OR3A2: variants seen among roughly 807,000 people sequenced by gnomAD.
OR3A2 encodes olfactory receptor 3A2.
For synonymous variants in OR3A2, 126 were observed against 159.3 expected (o/e 0.79, Z 1.57); for missense variants, 318 against 392.8 (o/e 0.81, Z 1.61).
chr17:3,287,937 TAAC>T (rs1286622791), upstream of OR3A2, among the ~76,000 whole-genome samples: 1 of 151,534 alleles, frequency 6.6e-6, no homozygotes, highest in Non-Finnish European at 1.5e-5. Flanking sequence ...AGAGCATACA[TAAC>T]AATAAGCTCT....
Position 3,369,805 on chromosome 17 carries a change from C to CTTTTT in OR3A2, c.-179+13994_-179+13998dup, listed in dbSNP as rs35233474. On this transcript the variant is annotated intron_variant, in intron 2 of 4. Coordinates refer to the OR3A2 transcript ENST00000573491. ...TTGAATGGTTTCCGTTAGATTGGTA[C>CTTTTT]TTTTTTTTTTTTTTTTGAGGCAAGC... Among the ~76,000 whole-genome samples, 459 of 134,658 alleles carry CTTTTT rather than the reference C, an allele frequency of 3.4e-3. 12 individuals are homozygous for CTTTTT. Among genetic ancestry groups the CTTTTT allele is most frequent in the African/African-American group, 0.011 (402 of 35,482 alleles). 88.3% of individuals were successfully genotyped at this position (134,658 alleles called of 152,430 possible).
chr17:3,343,369 G>C (rs2049336830), intron 2 of OR3A2, among the ~76,000 whole-genome samples: 4 of 152,158 alleles, frequency 2.6e-5, no homozygotes, highest in Non-Finnish European at 5.9e-5. Flanking sequence ...GACCAGAGCT[G>C]TTCCTATTCA....
chr17:3,363,260 A>T (rs1359316223), intron 2 of OR3A2, among the ~76,000 whole-genome samples: 2 of 151,780 alleles, frequency 1.3e-5, no homozygotes, highest in Admixed American at 1.3e-4. Context: ...CATGCATATG[A>T]GTATACACTT....
intron 2 of OR3A2, among the ~76,000 whole-genome samples, chr17:3,371,342 T>G (rs1408162918): frequency 1.4e-5 from 2 of 148,072 alleles, no homozygotes; most frequent in South Asian, 2.1e-4. Flanking sequence ...GCCCCTCATC[T>G]CCCGGACGAG....
intron 2 of OR3A2, among the ~76,000 whole-genome samples, chr17:3,361,384 T>C (rs2049514175): frequency 6.6e-6 from 1 of 151,636 alleles, no homozygotes; most frequent in African/African-American, 2.4e-5. Flanking sequence ...ACTTCCTCTT[T>C]TCCTAACTGA....
chr17:3,290,725 C>T (rs778864767), intron 3 of OR3A2, among the ~76,000 whole-genome samples: 3 of 152,162 alleles, frequency 2.0e-5, no homozygotes, highest in Non-Finnish European at 2.9e-5. Flanking sequence ...GAGCCACACT[C>T]CCCTACTGAG....
chr17:3,282,620 T>TC lies in OR3A2; in HGVS notation c.-7+1737dup, dbSNP rs536236410. On this transcript the variant is annotated intron_variant, in intron 1 of 1. Coordinates refer to ENST00000642052, the Ensembl canonical transcript of OR3A2. ...GGGTGAGAATGTGGATGCGGTGATC[T>TC]CCAAGAGGTCCTTAAAGTTCTAAGA... Among the ~76,000 whole-genome samples, 14 of 152,324 alleles carry TC rather than the reference T, an allele frequency of 9.2e-5. No individual in the cohort carries two copies. The East Asian group carries it at 2.7e-3, about 29-fold the overall frequency.
intron 2 of OR3A2, among the ~76,000 whole-genome samples, chr17:3,353,898 G>A (rs533202332): frequency 7.7e-6 from 1 of 129,506 alleles, no homozygotes; most frequent in African/African-American, 3.1e-5. Context: ...ATCAAATAGT[G>A]GTTCTTATTC....
At chr17:3,367,902 AT>A (rs956205687) in intron 2 of OR3A2, among the ~76,000 whole-genome samples, 18 of 151,904 alleles carry the variant, frequency 1.2e-4, no homozygotes, top group Non-Finnish European at 2.4e-4. Flanking sequence ...ACCAGTATCT[AT>A]TATTTTTTGA....
At chr17:3,332,725 C>T (rs1011181528) in intron 3 of OR3A2, among the ~76,000 whole-genome samples, 4 of 152,216 alleles carry the variant, frequency 2.6e-5, no homozygotes, top group East Asian at 1.9e-4. Flanking sequence ...TGGCTCCTCC[C>T]CTCTTATGCC....
chr17:3,371,255 T>C (rs230481), intron 2 of OR3A2, among the ~76,000 whole-genome samples: 99,027 of 147,752 alleles, frequency 0.67, 34,093 homozygotes, highest in East Asian at 0.99. Context: ...GCTGACCTCC[T>C]CACCTCCCTC....
At chr17:3,353,952 T>A (rs936544785) in intron 2 of OR3A2, among the ~76,000 whole-genome samples, 1 of 151,738 alleles carries the variant, frequency 6.6e-6, no homozygotes, top group Admixed American at 6.6e-5. Flanking sequence ...AGCTCCATGG[T>A]TATCAGATGC....
intron 3 of OR3A2, among the ~76,000 whole-genome samples, chr17:3,324,148 A>T (rs939185739): frequency 1.3e-5 from 2 of 151,960 alleles, no homozygotes; most frequent in Non-Finnish European, 2.9e-5. Context: ...AGTTGATCGC[A>T]TCGGCTACTG....
At chr17:3,366,998 C>T (rs538280066) in intron 2 of OR3A2, among the ~76,000 whole-genome samples, 1 of 152,298 alleles carries the variant, frequency 6.6e-6, no homozygotes, top group East Asian at 1.9e-4. Flanking sequence ...GTAGGCTAAT[C>T]AGCCTCTGCA....
At chr17:3,385,049 C>T (rs1466499418) in intron 1 of OR3A2, among the ~76,000 whole-genome samples, 2 of 152,062 alleles carry the variant, frequency 1.3e-5, no homozygotes, top group African/African-American at 4.8e-5. Flanking sequence ...ACAAAATTAG[C>T]CGGGCGTGGT....
At chr17:3,292,286 G>T in intron 3 of OR3A2, 1 of 1,614,180 alleles carries the variant, frequency 6.2e-7, no homozygotes, top group South Asian at 1.1e-5. Context: ...GGGTAAGGCA[G>T]GCCCCACAGG....
chr17:3,288,446 T>G (rs1301057943), upstream of OR3A2, among the ~76,000 whole-genome samples: 1 of 152,142 alleles, frequency 6.6e-6, no homozygotes, highest in Non-Finnish European at 1.5e-5. Context: ...CCACCTAGGT[T>G]TGTGCAAGTA....
At chr17:3,338,356 T>A (rs921324264) in intron 2 of OR3A2, among the ~76,000 whole-genome samples, 2 of 152,198 alleles carry the variant, frequency 1.3e-5, no homozygotes, top group African/African-American at 2.4e-5. Context: ...CATGCCTATA[T>A]CTTGAATGCT....
chr17:3,349,702 T>C (rs230459), intron 2 of OR3A2, among the ~76,000 whole-genome samples: 60,169 of 149,282 alleles, frequency 0.4, 12,405 homozygotes, highest in Admixed American at 0.52. Context: ...TCTACAGAAC[T>C]CTCCACCCCA....
Sources: gnomAD v4.1 joint callset for allele counts (sites outside exome capture counted in the v4.1 genomes callset) on GRCh38, gnomAD v4.1.1 for gene constraint, MANE v1.5 for transcripts, NCBI Gene and HGNC (gene_info 2026-07-23, HGNC 2026-07-21) for gene names.